Variants in MAMDC2 observed in about 807,000 individuals in gnomAD.
MAMDC2 encodes the protein MAM domain containing 2, also known as MAM domain-containing protein 2.
Under a neutral mutation model 89.8 loss-of-function variants are expected in MAMDC2, and 57 were observed. The ratio of observed to expected loss-of-function variants is 0.63; its 90% CI spans 0.51 to 0.79. The LOEUF (loss-of-function observed/expected upper bound fraction) is 0.79. Among genes scored for constraint, MAMDC2 ranks in the 30% least tolerant of loss-of-function variants. MAMDC2 has a pLI of 0.00. For missense variants in MAMDC2, 800 were observed against 820.6 expected, an observed-to-expected ratio of 0.97 and a Z score of 0.31; for synonymous variants, 313 against 293.4, an observed-to-expected ratio of 1.07 and a Z score of -0.68.
chr9:70,138,285 T>A (rs550761877), intron 7 of MAMDC2, among the ~76,000 whole-genome samples: 2 of 152,236 alleles, frequency 1.3e-5, no homozygotes, highest in African/African-American at 4.8e-5. Flanking sequence ...GTACATATGA[T>A]ACTTTCTTTA....
intron 9 of MAMDC2, among the ~76,000 whole-genome samples, chr9:70,166,061 C>T (rs919825366): frequency 1.3e-5 from 2 of 151,702 alleles, no homozygotes; most frequent in African/African-American, 2.4e-5. Context: ...GCCAACATGG[C>T]GAAACTGCAT....
chr9:70,196,775 T>C (rs2032981384), intron 11 of MAMDC2, among the ~76,000 whole-genome samples: 1 of 152,066 alleles, frequency 6.6e-6, no homozygotes, highest in Non-Finnish European at 1.5e-5. Flanking sequence ...AGATGAACTC[T>C]GGTACCATGT....
At chr9:70,104,521 G>A (rs973999339) in intron 2 of MAMDC2, among the ~76,000 whole-genome samples, 2 of 152,104 alleles carry the variant, frequency 1.3e-5, no homozygotes, top group Non-Finnish European at 2.9e-5. Flanking sequence ...ATTCATAATA[G>A]TCAAAAAGGA....
intron 2 of MAMDC2, among the ~76,000 whole-genome samples, chr9:70,082,400 T>C (rs1362650483): frequency 6.6e-6 from 1 of 152,146 alleles, no homozygotes; most frequent in Admixed American, 6.6e-5. Flanking sequence ...AAAAAAACTC[T>C]TTTAAAAAAG....
chr9:70,075,347 A>G (rs1318389581), intron 2 of MAMDC2, among the ~76,000 whole-genome samples: 1 of 152,206 alleles, frequency 6.6e-6, no homozygotes, highest in African/African-American at 2.4e-5. Context: ...TTATAAAAAC[A>G]TTGGTCATGA....
chr9:70,075,087 A>G (rs1368191724), intron 2 of MAMDC2, among the ~76,000 whole-genome samples: 4 of 152,228 alleles, frequency 2.6e-5, no homozygotes, highest in Admixed American at 1.3e-4. Flanking sequence ...AGTGTTTACA[A>G]CGTTTAGCTC....
At chr9:70,085,325 C>T (rs568938384) in intron 2 of MAMDC2, among the ~76,000 whole-genome samples, 4 of 152,102 alleles carry the variant, frequency 2.6e-5, no homozygotes, top group African/African-American at 9.6e-5. Context: ...GCTCCTGGGA[C>T]CAAGTTCATT....
At chr9:70,109,657 A>T in intron 3 of MAMDC2, 63 bp from the exon 4 acceptor site, 1 of 1,361,148 alleles carries the variant, frequency 7.3e-7, no homozygotes, top group Non-Finnish European at 1.0e-6. Context: ...TAGCTGAAAT[A>T]CTGAACCAAG....
chr9:70,078,023 CCT>C (rs367663379), intron 2 of MAMDC2, among the ~76,000 whole-genome samples: 1 of 151,748 alleles, frequency 6.6e-6, no homozygotes, highest in Non-Finnish European at 1.5e-5. Flanking sequence ...CTCTACCATT[CCT>C]ACTTATAATT....
At chr9:70,145,597 A>ACAG (rs2031379120) in intron 9 of MAMDC2, among the ~76,000 whole-genome samples, 8 of 107,798 alleles carry the variant, frequency 7.4e-5, no homozygotes, top group Admixed American at 2.9e-4. Context: ...CACACATACA[A>ACAG]GCAAATACCA....
chr9:70,130,177 C>T (rs1446000005), intron 6 of MAMDC2, among the ~76,000 whole-genome samples: 1 of 152,098 alleles, frequency 6.6e-6, no homozygotes, highest in Non-Finnish European at 1.5e-5. Flanking sequence ...AATAAGGTCA[C>T]ATACTGAGAT....
chr9:70,091,016 A>G (rs1195918850), intron 2 of MAMDC2, among the ~76,000 whole-genome samples: 2 of 149,590 alleles, frequency 1.3e-5, no homozygotes, highest in African/African-American at 4.9e-5. Context: ...AGAATCGCAT[A>G]TAGTATGTTA....
At chr9:70,163,076 C>T (rs2032034254) in intron 9 of MAMDC2, among the ~76,000 whole-genome samples, 1 of 151,926 alleles carries the variant, frequency 6.6e-6, no homozygotes, top group South Asian at 2.1e-4. Context: ...TTCTATTGTC[C>T]TTTAATAATT....
chr9:70,199,331 G>C (rs1393961021), intron 11 of MAMDC2, among the ~76,000 whole-genome samples: 3 of 147,072 alleles, frequency 2.0e-5, no homozygotes, highest in African/African-American at 7.5e-5. Context: ...ATAGTTTACT[G>C]AGAATGATGA....
At chr9:70,123,033 T>C (rs937639996) in intron 5 of MAMDC2, among the ~76,000 whole-genome samples, 3 of 152,190 alleles carry the variant, frequency 2.0e-5, no homozygotes, top group Non-Finnish European at 2.9e-5. Flanking sequence ...CAGTCAATGA[T>C]GGTTCCTTCA....
intron 2 of MAMDC2, among the ~76,000 whole-genome samples, chr9:70,051,035 C>T (rs1826881420): frequency 6.6e-6 from 1 of 152,210 alleles, no homozygotes; most frequent in Non-Finnish European, 1.5e-5. Context: ...TCAATTGGCT[C>T]CATTAGTGAT....
intron 4 of MAMDC2, among the ~76,000 whole-genome samples, chr9:70,110,317 G>T (rs1171602754): frequency 2.6e-5 from 4 of 152,200 alleles, no homozygotes; most frequent in Non-Finnish European, 5.9e-5. Flanking sequence ...TCCTATGGTG[G>T]TTCAGTTCCT....
At chr9:70,093,510 C>T (rs1386879425) in intron 2 of MAMDC2, among the ~76,000 whole-genome samples, 2 of 150,938 alleles carry the variant, frequency 1.3e-5, no homozygotes, top group Non-Finnish European at 2.9e-5. Flanking sequence ...ACTGAAACCT[C>T]CACCTCCCGG....
chr9:70,127,041 A>G (rs1377364976), intron 6 of MAMDC2, among the ~76,000 whole-genome samples: 3 of 152,166 alleles, frequency 2.0e-5, no homozygotes, highest in African/African-American at 7.2e-5. Flanking sequence ...CCCTCAGCCA[A>G]CTTCACAAAG....
Sources: gnomAD v4.1 joint callset for allele counts (sites outside exome capture counted in the v4.1 genomes callset) on GRCh38, gnomAD v4.1.1 for gene constraint, MANE v1.5 for transcripts, NCBI Gene and HGNC (gene_info 2026-07-23, HGNC 2026-07-21) for gene names.